Variants in STAU2 observed in about 807,000 individuals in gnomAD.
STAU2 encodes double-stranded RNA-binding protein Staufen homolog 2.
A neutral mutation model predicts 65.9 loss-of-function variants in STAU2; 20 were observed. The ratio of observed to expected loss-of-function variants is 0.30; its 90% CI spans 0.21 to 0.44. The LOEUF is 0.44. Among genes scored for constraint, STAU2 ranks in the 20% least tolerant of loss-of-function variants. STAU2 has a pLI of 1.00. For synonymous variants in STAU2, 232 were observed against 233.9 expected (o/e 0.99, Z 0.07); for missense variants, 558 against 683.9 (o/e 0.82, Z 2.05).
At position 73,673,107 on chromosome 8, in the gene STAU2, C is replaced by A; in HGVS notation, c.410G>T (p.Arg137Met). Residue 137 changes from arginine to methionine, a missense_variant and splice_region_variant, in exon 6 of 15, where the codon AGG (arginine) becomes ATG (methionine). This residue lies in a region of STAU2 where 199 missense variants were observed against 299.5 expected (regional missense o/e 0.66). Coordinates refer to ENST00000524300, the MANE Select transcript of STAU2 (RefSeq NM_001164380.2). ...ACAAAACCAAAAAAGACATACAAAC[C>A]TCTGATTGTACATGCCCCGAAAGTT... ...NYNFRGMYNQRYHCPVPKIFY... is the reference protein window; with the variant it reads ...NYNFRGMYNQMYHCPVPKIFY... 6.4e-7 allele frequency: 1 copy of A among 1,563,832 alleles called. No homozygotes were observed.
At chr8:73,479,712 C>CGTGTGTGTGTGTGTGTGTGTGTGTGTGT (rs5892422) in intron 13 of STAU2, among the ~76,000 whole-genome samples, 93 of 143,894 alleles carry the variant, frequency 6.5e-4, no homozygotes, top group African/African-American at 2.0e-3. Flanking sequence ...CTTAAATATA[C>CGTGTGTGTGTGTGTGTGTGTGTGTGTGT]GTGTGTGTGT....
At chr8:73,528,400 C>A (rs1254204565) in intron 13 of STAU2, among the ~76,000 whole-genome samples, 4 of 152,142 alleles carry the variant, frequency 2.6e-5, no homozygotes, top group Non-Finnish European at 1.5e-5. Context: ...TAGTTAAATA[C>A]AACTAACCAT....
At chr8:73,575,907 T>C (rs558933421) in intron 12 of STAU2, among the ~76,000 whole-genome samples, 1 of 152,262 alleles carries the variant, frequency 6.6e-6, no homozygotes, top group South Asian at 2.1e-4. Flanking sequence ...TTTGCATTTT[T>C]AATTTTTCCC....
At chr8:73,618,239 T>C (rs910304319) in intron 6 of STAU2, among the ~76,000 whole-genome samples, 1 of 152,148 alleles carries the variant, frequency 6.6e-6, no homozygotes, top group Non-Finnish European at 1.5e-5. Context: ...ATACCTAGTA[T>C]GTTAGATGTA....
chr8:73,575,530 T>C (rs1051868842), intron 12 of STAU2, among the ~76,000 whole-genome samples: 5 of 152,200 alleles, frequency 3.3e-5, no homozygotes, highest in Admixed American at 3.3e-4. Context: ...AAATTACTTA[T>C]GTATGAGGTT....
intron 1 of STAU2, among the ~76,000 whole-genome samples, chr8:73,740,695 T>C (rs1198886643): frequency 2.6e-5 from 4 of 152,132 alleles, no homozygotes; most frequent in Non-Finnish European, 5.9e-5. Context: ...TTAGTGTCCC[T>C]TGCTTTCTAG....
At chr8:73,472,990 A>G (rs1253378155) in intron 13 of STAU2, among the ~76,000 whole-genome samples, 1 of 152,240 alleles carries the variant, frequency 6.6e-6, no homozygotes, top group East Asian at 1.9e-4. Flanking sequence ...ATGAAACCAT[A>G]TACATTAGAA....
chr8:73,640,496 G>T (rs571254830), intron 6 of STAU2, among the ~76,000 whole-genome samples: 2 of 152,246 alleles, frequency 1.3e-5, no homozygotes, highest in South Asian at 4.1e-4. Flanking sequence ...CAGGCCATAA[G>T]GTTTCTAACA....
At chr8:73,497,568 T>C (rs1314921510) in intron 13 of STAU2, among the ~76,000 whole-genome samples, 1 of 151,698 alleles carries the variant, frequency 6.6e-6, no homozygotes, top group African/African-American at 2.4e-5. Flanking sequence ...AGCTATGAAG[T>C]ATCCCTCGGT....
At chr8:73,685,862 T>C (rs528196364) in intron 5 of STAU2, among the ~76,000 whole-genome samples, 2 of 152,302 alleles carry the variant, frequency 1.3e-5, no homozygotes, top group East Asian at 1.9e-4. Context: ...CACATGTTTA[T>C]AGCAGCACAA....
intron 13 of STAU2, among the ~76,000 whole-genome samples, chr8:73,522,121 TG>T (rs1213315493): frequency 2.6e-5 from 4 of 152,300 alleles, no homozygotes; most frequent in African/African-American, 7.2e-5. Context: ...ACCCAATCTT[TG>T]TGAGATTTGG....
At chr8:73,659,035 G>T (rs1279023995) in intron 6 of STAU2, among the ~76,000 whole-genome samples, 1 of 151,450 alleles carries the variant, frequency 6.6e-6, no homozygotes, top group Non-Finnish European at 1.5e-5. Context: ...AGTATTTGAA[G>T]AAAATGCATA....
chr8:73,632,179 T>C (rs915798222), intron 6 of STAU2, among the ~76,000 whole-genome samples: 3 of 152,122 alleles, frequency 2.0e-5, no homozygotes, highest in African/African-American at 7.2e-5. Flanking sequence ...AAGAACTGAT[T>C]TGGATTTAGA....
rs1409358133 is a variant in STAU2 at position 73,627,213 on chromosome 8, GGGGGGGGGGA to G, written c.411-9772_411-9763del. Among the ~76,000 whole-genome samples, 12 of 46,248 alleles carry G rather than the reference GGGGGGGGGGA, an allele frequency of 2.6e-4. No individual in the cohort carries two copies. The East Asian group carries it at 4.5e-3, about 17-fold the overall frequency. The allele number at this position is 46,248 out of a possible 152,430, so 30.3% of individuals were successfully genotyped here. ...GTGATGCTGCAGGAATACGGCGGGG[GGGGGGGGGGA>G]GGGGGGGGCAGGAGGGCGGGTTCCC... On this transcript the variant is annotated intron_variant, in intron 6 of 14. Transcript: ENST00000524300.
intron 13 of STAU2, among the ~76,000 whole-genome samples, chr8:73,447,580 G>A (rs919307884): frequency 1.3e-5 from 2 of 152,204 alleles, no homozygotes; most frequent in Non-Finnish European, 2.9e-5. Flanking sequence ...GATAGATAAT[G>A]TCAAATTGCT....
At chr8:73,475,505 C>G (rs1280331088) in intron 13 of STAU2, among the ~76,000 whole-genome samples, 1 of 152,152 alleles carries the variant, frequency 6.6e-6, no homozygotes, top group Non-Finnish European at 1.5e-5. Context: ...TCTATAAATT[C>G]AGTGGATGCT....
intron 13 of STAU2, among the ~76,000 whole-genome samples, chr8:73,511,013 G>A (rs897904908): frequency 2.6e-5 from 4 of 152,336 alleles, no homozygotes; most frequent in South Asian, 2.1e-4. Context: ...CGTGGGCAAC[G>A]TTCTTGGTGA....
chr8:73,727,153 C>G (rs914807547), intron 3 of STAU2, among the ~76,000 whole-genome samples: 2 of 152,138 alleles, frequency 1.3e-5, no homozygotes, highest in Admixed American at 1.3e-4. Flanking sequence ...TCCCTTGAAC[C>G]CGGGAGGCAG....
chr8:73,438,064 C>G (rs1817845792), intron 13 of STAU2, among the ~76,000 whole-genome samples: 1 of 152,188 alleles, frequency 6.6e-6, no homozygotes, highest in Non-Finnish European at 1.5e-5. Flanking sequence ...CTCATCAGCT[C>G]CAGGTCTCAG....
Sources: gnomAD v4.1 joint callset for allele counts (sites outside exome capture counted in the v4.1 genomes callset) on GRCh38, gnomAD v4.1.1 for gene constraint, gnomAD v4.1.1 regional missense constraint, MANE v1.5 for transcripts, NCBI Gene and HGNC (gene_info 2026-07-23, HGNC 2026-07-21) for gene names.